The following DAPK1 variants were observed in gnomAD, a reference collection of about 807,000 sequenced individuals.
DAPK1 encodes death-associated protein kinase 1.
In DAPK1, 56 loss-of-function variants were observed where a neutral mutation model predicts 144.9. That is an observed-to-expected ratio of 0.39 (90% CI 0.31 to 0.48). The LOEUF is 0.48. Ranked by LOEUF, DAPK1 falls within the 20% of genes least tolerant of loss-of-function variation. The pLI, the probability that DAPK1 is intolerant of heterozygous loss-of-function variation, is 0.95. For missense variants in DAPK1, 1,454 were observed against 1,875.4 expected (o/e 0.78, Z 4.15); for synonymous variants, 690 against 749.0 (o/e 0.92, Z 1.29).
At chr9:87,571,476 A>ACCCCCCC (rs771023885) in intron 2 of DAPK1, among the ~76,000 whole-genome samples, 2 of 48,546 alleles carry the variant, frequency 4.1e-5, no homozygotes, top group African/African-American at 1.8e-4. Context: ...CACACACACC[A>ACCCCCCC]ACACACACAC....
chr9:87,564,353 A>C (rs1260876603), intron 2 of DAPK1, among the ~76,000 whole-genome samples: 1 of 152,158 alleles, frequency 6.6e-6, no homozygotes, highest in Non-Finnish European at 1.5e-5. Flanking sequence ...ATGTGTGACA[A>C]ATGACTCACC....
intron 2 of DAPK1, among the ~76,000 whole-genome samples, chr9:87,516,753 AC>A (rs1825074950): frequency 6.6e-6 from 1 of 151,872 alleles, no homozygotes; most frequent in Non-Finnish European, 1.5e-5. Context: ...GTATGTAGGC[AC>A]CCTGCGATTG....
intron 4 of DAPK1, among the ~76,000 whole-genome samples, chr9:87,639,105 CT>C (rs1475295446): frequency 6.6e-6 from 1 of 152,168 alleles, no homozygotes; most frequent in Non-Finnish European, 1.5e-5. Context: ...TTTCCTGTAT[CT>C]CCTTTCTCTA....
chr9:87,643,479 C>A lies in DAPK1; in HGVS notation c.1011+11C>A, dbSNP rs760133659. The A allele has an allele frequency of 4.5e-6, 7 of 1,545,444 alleles. No individual in the cohort carries two copies. Among genetic ancestry groups the A allele is most frequent in the Non-Finnish European group, 5.3e-6 (6 of 1,132,190 alleles). ...AGCGATGATACTCTGGTAAGCAAACCCGTGAGCCCTGGTGCTCCTTTCTTA... is the reference window on the plus strand; with the variant it reads ...AGCGATGATACTCTGGTAAGCAAACACGTGAGCCCTGGTGCTCCTTTCTTA... On this transcript the variant is annotated intron_variant, in intron 11 of 25. Transcript: ENST00000408954.
intron 2 of DAPK1, among the ~76,000 whole-genome samples, chr9:87,567,092 CA>C (rs1827155345): frequency 6.6e-6 from 1 of 152,122 alleles, no homozygotes; most frequent in Non-Finnish European, 1.5e-5. Flanking sequence ...GAGTTCCTTC[CA>C]AAACAAATTA....
At chr9:87,668,911 G>T in intron 19 of DAPK1, 1 of 487,222 alleles carries the variant, frequency 2.1e-6, no homozygotes. Flanking sequence ...GCCGTGCCTG[G>T]TTTTCCTTCT....
chr9:87,627,171 G>C (rs1829520674), intron 3 of DAPK1, among the ~76,000 whole-genome samples: 1 of 152,130 alleles, frequency 6.6e-6, no homozygotes, highest in Non-Finnish European at 1.5e-5. Context: ...CATGGAGAGG[G>C]GTGTCTGGGT....
At chr9:87,697,585 A>G (rs566115156) in intron 22 of DAPK1, among the ~76,000 whole-genome samples, 1 of 152,300 alleles carries the variant, frequency 6.6e-6, no homozygotes, top group African/African-American at 2.4e-5. Flanking sequence ...TTGGATAGCT[A>G]CTGCACCTTT....
intron 22 of DAPK1, 39 bp from the exon 23 acceptor site, chr9:87,698,617 A>C (rs1477714871): frequency 1.4e-6 from 2 of 1,465,496 alleles, no homozygotes; most frequent in African/African-American, 2.8e-5. Context: ...GCCAGGTAGG[A>C]GGACCCACCC....
At chr9:87,628,052 C>T (rs535041075) in intron 3 of DAPK1, among the ~76,000 whole-genome samples, 9 of 152,198 alleles carry the variant, frequency 5.9e-5, no homozygotes, top group African/African-American at 2.2e-4. Flanking sequence ...TGCCTCTGAA[C>T]CCTTGAGCCA....
chr9:87,583,854 T>G (rs1227181812), intron 2 of DAPK1, among the ~76,000 whole-genome samples: 1 of 152,216 alleles, frequency 6.6e-6, no homozygotes, highest in Non-Finnish European at 1.5e-5. Context: ...TTGCCCTTCT[T>G]TCTTCAGTTC....
intron 3 of DAPK1, among the ~76,000 whole-genome samples, chr9:87,626,381 C>T (rs1388900238): frequency 2.6e-5 from 4 of 152,182 alleles, no homozygotes; most frequent in African/African-American, 9.7e-5. Flanking sequence ...TACCACTGCA[C>T]TCCAGCATGG....
intron 19 of DAPK1, among the ~76,000 whole-genome samples, chr9:87,675,364 G>A (rs537444673): frequency 2.3e-4 from 35 of 152,198 alleles, no homozygotes; most frequent in Admixed American, 1.4e-3. Flanking sequence ...GAAGCAGCCC[G>A]AGGAAGGGCT....
At chr9:87,641,916 C>CA (rs1262337577) in intron 9 of DAPK1, 53 bp from the exon 10 acceptor site, 1 of 1,447,206 alleles carries the variant, frequency 6.9e-7, no homozygotes, top group African/African-American at 1.4e-5. Context: ...TGTCATATAA[C>CA]ACATTTTCAT....
At chr9:87,630,234 A>G (rs1829627711) in intron 3 of DAPK1, among the ~76,000 whole-genome samples, 1 of 152,224 alleles carries the variant, frequency 6.6e-6, no homozygotes, top group African/African-American at 2.4e-5. Flanking sequence ...GATAACTGCA[A>G]CAGTTAGCAT....
chr9:87,573,599 C>A (rs1319438365), intron 2 of DAPK1, among the ~76,000 whole-genome samples: 1 of 152,200 alleles, frequency 6.6e-6, no homozygotes, highest in Non-Finnish European at 1.5e-5. Context: ...GCCACCTCTT[C>A]CTGACCACCA....
At chr9:87,634,195 C>T (rs1829806574) in intron 3 of DAPK1, among the ~76,000 whole-genome samples, 1 of 152,238 alleles carries the variant, frequency 6.6e-6, no homozygotes, top group South Asian at 2.1e-4. Context: ...GTAGTTGGGA[C>T]AGACTGCAAG....
intron 2 of DAPK1, among the ~76,000 whole-genome samples, chr9:87,593,670 T>C (rs990413249): frequency 2.6e-5 from 4 of 152,142 alleles, no homozygotes; most frequent in Admixed American, 6.6e-5. Context: ...CTTTTGGCCA[T>C]GGAATAAGGA....
intron 3 of DAPK1, among the ~76,000 whole-genome samples, chr9:87,615,013 G>A (rs2119008986): frequency 6.6e-6 from 1 of 152,334 alleles, no homozygotes; most frequent in East Asian, 1.9e-4. Flanking sequence ...AAGACGGAGA[G>A]TGCCTAGGCC....
Sources: gnomAD v4.1 joint callset for allele counts (sites outside exome capture counted in the v4.1 genomes callset) on GRCh38, gnomAD v4.1.1 for gene constraint, MANE v1.5 for transcripts, NCBI Gene and HGNC (gene_info 2026-07-23, HGNC 2026-07-21) for gene names.